PRKAR1B: variants seen among roughly 807,000 people sequenced by gnomAD.
PRKAR1B encodes cAMP-dependent protein kinase type I-beta regulatory subunit.
PRKAR1B carries 22 observed loss-of-function variants against 46.5 expected under a neutral mutation model. The observed-to-expected ratio is 0.47, with a 90% confidence interval of 0.34 to 0.68. PRKAR1B has a LOEUF of 0.68. Among genes scored for constraint, PRKAR1B ranks in the 30% least tolerant of loss-of-function variants. PRKAR1B has a pLI of 0.01. For synonymous variants in PRKAR1B, 259 were observed against 217.7 expected, an observed-to-expected ratio of 1.19 and a Z score of -1.67; for missense variants, 445 against 535.6, an observed-to-expected ratio of 0.83 and a Z score of 1.67.
intron 8 of PRKAR1B, among the ~76,000 whole-genome samples, chr7:583,549 A>G (rs937198413): frequency 3.4e-4 from 41 of 120,888 alleles, no homozygotes; most frequent in African/African-American, 1.3e-3. Context: ...ACACGTGCCA[A>G]ACACATGCGT....
At chr7:616,657 C>T (rs1009923824) in intron 4 of PRKAR1B, among the ~76,000 whole-genome samples, 2 of 152,218 alleles carry the variant, frequency 1.3e-5, no homozygotes, top group Admixed American at 6.5e-5. Context: ...GCTGAGGGTC[C>T]GTCGGCCTCC....
At chr7:668,401 T>A (rs569848850) in intron 4 of PRKAR1B, among the ~76,000 whole-genome samples, 49 of 152,300 alleles carry the variant, frequency 3.2e-4, no homozygotes, top group Non-Finnish European at 6.6e-4. Flanking sequence ...CCACTCCCTC[T>A]GGAACCGGTT....
intron 2 of PRKAR1B, among the ~76,000 whole-genome samples, chr7:693,235 G>T (rs1295933479): frequency 8.2e-5 from 12 of 146,022 alleles, no homozygotes; most frequent in Non-Finnish European, 1.8e-4. Flanking sequence ...GGGTCCTGTC[G>T]AGCTTTTTTT....
Position 556,090 on chromosome 7 carries a change from C to T in PRKAR1B, c.892-4620G>A, listed in dbSNP as rs148948842. Among the ~76,000 whole-genome samples the T allele has an allele frequency of 1.4e-4, 22 of 152,258 alleles. No homozygotes were observed. In the East Asian group the frequency reaches 2.3e-3, roughly 16 times the overall value. ...GCACGAATTTTGCTTCAAGGACGCT[C>T]GGCTCCTGGCTGTCTCCAAGCTCCC... On this transcript the variant is annotated intron_variant, in intron 9 of 10. Transcript: ENST00000537384.
At chr7:587,933 T>C (rs941714766) in intron 7 of PRKAR1B, among the ~76,000 whole-genome samples, 25 of 152,170 alleles carry the variant, frequency 1.6e-4, no homozygotes, top group African/African-American at 6.0e-4. Flanking sequence ...GGGGGAGGAA[T>C]GGCGCGCAAG....
chr7:573,340 C>T (rs1263482198), intron 9 of PRKAR1B, among the ~76,000 whole-genome samples: 1 of 152,176 alleles, frequency 6.6e-6, no homozygotes, highest in Non-Finnish European at 1.5e-5. Flanking sequence ...CCTCCCCTCC[C>T]GACCCCCACA....
At chr7:668,593 T>C (rs1420901171) in intron 4 of PRKAR1B, among the ~76,000 whole-genome samples, 2 of 152,168 alleles carry the variant, frequency 1.3e-5, no homozygotes, top group African/African-American at 4.8e-5. Context: ...AAGCCAACCA[T>C]CTGCTTCCTC....
At chr7:580,791 G>A (rs1307067936) in intron 8 of PRKAR1B, among the ~76,000 whole-genome samples, 1 of 147,080 alleles carries the variant, frequency 6.8e-6, no homozygotes, top group Admixed American at 6.8e-5. Context: ...ATACAAATCA[G>A]ATGCTACCTA....
intron 9 of PRKAR1B, among the ~76,000 whole-genome samples, chr7:553,418 G>A (rs998965200): frequency 2.6e-5 from 4 of 152,224 alleles, no homozygotes; most frequent in African/African-American, 9.6e-5. Context: ...CCCCGCGTCT[G>A]CCGCAGAAGT....
intron 9 of PRKAR1B, among the ~76,000 whole-genome samples, chr7:553,819 G>A (rs563714536): frequency 1.3e-5 from 2 of 152,374 alleles, no homozygotes; most frequent in South Asian, 2.1e-4. Flanking sequence ...CCCTGTGACA[G>A]CCAGACCGCT....
intron 4 of PRKAR1B, among the ~76,000 whole-genome samples, chr7:660,797 G>C (rs562073571): frequency 0.045 from 1,197 of 26,308 alleles, no homozygotes; most frequent in Middle Eastern, 0.059. Flanking sequence ...CCCAACAGAT[G>C]CAAATACCTA....
At chr7:647,805 CAAAAAAAAAAAAAA>C (rs769761277) in intron 4 of PRKAR1B, among the ~76,000 whole-genome samples, 1 of 17,882 alleles carries the variant, frequency 5.6e-5, no homozygotes, top group Non-Finnish European at 1.3e-4. Context: ...ACTTCGTCTC[CAAAAAAAAAAAAAA>C]AAAAAAAAAA....
At chr7:571,092 G>A (rs1288015861) in intron 9 of PRKAR1B, among the ~76,000 whole-genome samples, 1 of 152,212 alleles carries the variant, frequency 6.6e-6, no homozygotes, top group African/African-American at 2.4e-5. Context: ...CTCCAGCAGA[G>A]CCTCCTCCAG....
intron 4 of PRKAR1B, among the ~76,000 whole-genome samples, chr7:664,537 A>G (rs7805137): frequency 0.026 from 3,890 of 152,296 alleles, 79 homozygotes; most frequent in East Asian, 0.1. Flanking sequence ...TGTCAGTGAC[A>G]ACAAAACGTG....
intron 4 of PRKAR1B, among the ~76,000 whole-genome samples, chr7:620,214 G>T (rs1265533139): frequency 6.6e-6 from 1 of 152,152 alleles, no homozygotes; most frequent in Admixed American, 6.5e-5. Flanking sequence ...TTGAAGTGGA[G>T]CTGCTTTGAA....
intron 8 of PRKAR1B, among the ~76,000 whole-genome samples, chr7:583,513 A>ACACGCGTGTACACACC (rs1780374660): frequency 1.7e-5 from 1 of 58,918 alleles, no homozygotes; most frequent in Admixed American, 1.4e-4. Flanking sequence ...ATACACACCC[A>ACACGCGTGTACACACC]CACACGCGTG....
At chr7:692,304 G>A (rs1323823810) in intron 2 of PRKAR1B, among the ~76,000 whole-genome samples, 1 of 152,264 alleles carries the variant, frequency 6.6e-6, no homozygotes, top group East Asian at 1.9e-4. Flanking sequence ...GGAGGCTGAG[G>A]CAGGAGAATC....
chr7:638,149 G>A (rs1478908236), intron 4 of PRKAR1B, among the ~76,000 whole-genome samples: 1 of 152,202 alleles, frequency 6.6e-6, no homozygotes, highest in Non-Finnish European at 1.5e-5. Context: ...TAAACACCTT[G>A]GAATGAGCCT....
chr7:719,189 G>A (rs1780988804), intron 1 of PRKAR1B, among the ~76,000 whole-genome samples: 1 of 152,014 alleles, frequency 6.6e-6, no homozygotes. Context: ...ACAGGTGCCT[G>A]CCACCACACC....
Sources: gnomAD v4.1 joint callset for allele counts (sites outside exome capture counted in the v4.1 genomes callset) on GRCh38, gnomAD v4.1.1 for gene constraint, MANE v1.5 for transcripts, NCBI Gene and HGNC (gene_info 2026-07-23, HGNC 2026-07-21) for gene names.